CNTNAP4: variants seen among roughly 807,000 people sequenced by gnomAD.
The protein encoded by CNTNAP4 is contactin-associated protein-like 4.
A neutral mutation model predicts 148.4 loss-of-function variants in CNTNAP4; 98 were observed. That is an observed-to-expected ratio of 0.66 (90% CI 0.56 to 0.78). CNTNAP4 has a LOEUF of 0.78. Among genes scored for constraint, CNTNAP4 ranks in the 30% least tolerant of loss-of-function variants. CNTNAP4 has a pLI of 0.00. For synonymous variants in CNTNAP4, 730 were observed against 565.1 expected (o/e 1.29, Z -4.14); for missense variants, 1,935 against 1,565.6 (o/e 1.24, Z -3.98).
intron 14 of CNTNAP4, among the ~76,000 whole-genome samples, chr16:76,497,865 C>T (rs910130789): frequency 1.3e-5 from 2 of 151,582 alleles, no homozygotes; most frequent in African/African-American, 2.4e-5. Context: ...AATGCTACAA[C>T]ATTTCAAAAA....
At chr16:76,498,044 A>G (rs2082464882) in intron 14 of CNTNAP4, among the ~76,000 whole-genome samples, 1 of 152,178 alleles carries the variant, frequency 6.6e-6, no homozygotes, top group Admixed American at 6.5e-5. Context: ...TTTTTAACAT[A>G]TGCTATATTT....
At chr16:76,449,024 A>T in intron 6 of CNTNAP4, 73 bp downstream of exon 6, 1 of 1,381,232 alleles carries the variant, frequency 7.2e-7, no homozygotes, top group Admixed American at 2.0e-5. Context: ...AGGAAAATAC[A>T]CTATAAAGAG....
chr16:76,538,999 A>G (rs2084336165), intron 19 of CNTNAP4, among the ~76,000 whole-genome samples: 1 of 152,082 alleles, frequency 6.6e-6, no homozygotes, highest in African/African-American at 2.4e-5. Context: ...ATTTCAACTG[A>G]TTCAAATATA....
At chr16:76,334,346 G>C (rs1355526150) in intron 2 of CNTNAP4, among the ~76,000 whole-genome samples, 2 of 152,012 alleles carry the variant, frequency 1.3e-5, no homozygotes, top group Non-Finnish European at 2.9e-5. Context: ...AGTTTTTGCA[G>C]ATTGGGTCTG....
At chr16:76,537,846 C>T (rs1268984197) in intron 18 of CNTNAP4, among the ~76,000 whole-genome samples, 3 of 151,946 alleles carry the variant, frequency 2.0e-5, no homozygotes, top group Non-Finnish European at 4.4e-5. Flanking sequence ...AGAAGACAAG[C>T]CTGGTTTGTG....
intron 2 of CNTNAP4, among the ~76,000 whole-genome samples, chr16:76,328,958 A>G (rs1963267644): frequency 6.6e-6 from 1 of 152,218 alleles, no homozygotes; most frequent in Non-Finnish European, 1.5e-5. Flanking sequence ...TTAATAGGAC[A>G]GGGGACTGGG....
intron 10 of CNTNAP4, among the ~76,000 whole-genome samples, chr16:76,471,369 A>G (rs1159541586): frequency 6.6e-6 from 1 of 152,190 alleles, no homozygotes; most frequent in African/African-American, 2.4e-5. Context: ...ATTGTTTAGT[A>G]TATCATTTGG....
chr16:76,439,221 T>TATC (rs2079947366), intron 4 of CNTNAP4, among the ~76,000 whole-genome samples: 1 of 152,114 alleles, frequency 6.6e-6, no homozygotes, highest in Non-Finnish European at 1.5e-5. Flanking sequence ...AAAATCTGAT[T>TATC]ATCCATGATG....
In CNTNAP4 at chr16:76,559,675, C is replaced by G. The variant is rs533448653; in HGVS notation, c.*992C>G. Among the ~76,000 whole-genome samples the G allele has an allele frequency of 6.6e-6, 1 of 152,238 alleles. No homozygotes were observed. Among genetic ancestry groups the G allele is most frequent in the African/African-American group, 2.4e-5 (1 of 41,548 alleles). On this transcript the variant is annotated 3_prime_UTR_variant, in exon 24 of 24. Transcript: ENST00000611870. ...TTTTTCTGAAGTTTATCACAAACTT[C>G]GCCTTGATCTTCAATGATTATACTT...
At chr16:76,497,801 C>A (rs2082455699) in intron 14 of CNTNAP4, among the ~76,000 whole-genome samples, 1 of 151,796 alleles carries the variant, frequency 6.6e-6, no homozygotes, top group Non-Finnish European at 1.5e-5. Flanking sequence ...GAGTAACAAA[C>A]CTGCATGTTC....
Position 76,433,162 on chromosome 16 carries a change from C to T in CNTNAP4, c.538+5563C>T, listed in dbSNP as rs373542455. Among the ~76,000 whole-genome samples, 15 of 152,034 alleles carry T rather than the reference C, an allele frequency of 9.9e-5. 1 individual carries two copies. The South Asian group carries it at 2.7e-3, about 27-fold the overall frequency. ...ACATTCTTTTTTTGTTATTAGTCTT[C>T]TGGATAAAGACTAATAACAACAATG... On this transcript the variant is annotated intron_variant, in intron 4 of 23. Transcript: ENST00000611870.
Position 76,452,781 on chromosome 16 carries a change from A to AT in CNTNAP4, c.1333+14dup. The AT allele has an allele frequency of 2.6e-6, 4 of 1,544,386 alleles. No individual in the cohort carries two copies. Among genetic ancestry groups the AT allele is most frequent in the Non-Finnish European group, 3.5e-6 (4 of 1,146,116 alleles). On this transcript the variant is annotated intron_variant, in intron 8 of 23. Coordinates refer to ENST00000611870, the MANE Select transcript of CNTNAP4 (RefSeq NM_033401.5). ...TGACATCACAGCAGGTAATAAATGTATTCCCTGGGGCAAAGCATATGGATT... is the reference window on the plus strand; with the variant it reads ...TGACATCACAGCAGGTAATAAATGTATTTCCCTGGGGCAAAGCATATGGATT...
chr16:76,457,320 T>C (rs770727223), intron 8 of CNTNAP4, among the ~76,000 whole-genome samples: 3 of 152,228 alleles, frequency 2.0e-5, no homozygotes, highest in Non-Finnish European at 2.9e-5. Flanking sequence ...TAAATTCCAA[T>C]TGACAGGTAT....
chr16:76,540,541 T>G (rs1298861604), intron 20 of CNTNAP4, among the ~76,000 whole-genome samples, 162 bp from the exon 21 acceptor site: 10 of 151,742 alleles, frequency 6.6e-5, no homozygotes, highest in African/African-American at 2.4e-4. Context: ...TAGAAAAACC[T>G]TTCTAAGTGG....
intron 1 of CNTNAP4, among the ~76,000 whole-genome samples, chr16:76,279,460 A>G (rs148181515): frequency 5.9e-5 from 9 of 152,370 alleles, no homozygotes; most frequent in South Asian, 2.1e-4. Flanking sequence ...TTAGAAAAGA[A>G]AAGGTGCTGA....
intron 17 of CNTNAP4, among the ~76,000 whole-genome samples, chr16:76,535,270 A>G (rs1022815396): frequency 2.0e-5 from 3 of 152,214 alleles, no homozygotes; most frequent in Non-Finnish European, 2.9e-5. Context: ...TGTTATTTTC[A>G]ATGAGAGTAG....
intron 2 of CNTNAP4, among the ~76,000 whole-genome samples, chr16:76,346,493 A>G (rs993246211): frequency 6.6e-6 from 1 of 151,708 alleles, no homozygotes; most frequent in Non-Finnish European, 1.5e-5. Context: ...TTTCTGGGAT[A>G]TTGCCAGTAG....
rs188024463 is a variant in CNTNAP4, at chr16:76,384,415, C to G, written c.390+28904C>G. 2.0e-5 allele frequency among the ~76,000 whole-genome samples: 3 copies of G among 152,158 alleles called. No homozygotes were observed. The East Asian group carries it at 5.8e-4, about 29-fold the overall frequency. On this transcript the variant is annotated intron_variant, in intron 3 of 23. Transcript: ENST00000611870. ...TGGCAGTAATGAGCACCATGAGGAC[C>G]AAGCTGAATAAAGGATCAAGAAGAA...
intron 4 of CNTNAP4, among the ~76,000 whole-genome samples, chr16:76,434,121 A>T (rs2079722256): frequency 6.7e-6 from 1 of 148,722 alleles, no homozygotes; most frequent in Non-Finnish European, 1.5e-5. Context: ...TAATTAAAAT[A>T]TATATATTTA....
Sources: gnomAD v4.1 joint callset for allele counts (sites outside exome capture counted in the v4.1 genomes callset) on GRCh38, gnomAD v4.1.1 for gene constraint, MANE v1.5 for transcripts, NCBI Gene and HGNC (gene_info 2026-07-23, HGNC 2026-07-21) for gene names.